LARP1B: variants seen among roughly 807,000 people sequenced by gnomAD.
LARP1B encodes the protein La ribonucleoprotein 1B.
A neutral mutation model predicts 114.2 loss-of-function variants in LARP1B; 76 were observed. That is an observed-to-expected ratio of 0.67 (90% CI 0.55 to 0.81). The LOEUF (loss-of-function observed/expected upper bound fraction) is 0.81, where lower values mean the gene tolerates loss of function less well. Among genes scored for constraint, LARP1B ranks in the 30% least tolerant of loss-of-function variants. The pLI, the probability that LARP1B is intolerant of heterozygous loss-of-function variation, is 0.00. For missense variants in LARP1B, 1,014 were observed against 1,075.8 expected (o/e 0.94, Z 0.80); for synonymous variants, 345 against 348.0 (o/e 0.99, Z 0.10).
chr4:128,068,867 G>A, intron 1 of LARP1B: 1 of 398,458 alleles, frequency 2.5e-6, no homozygotes, highest in East Asian at 4.7e-5. Flanking sequence ...TTCTCTTCAA[G>A]CATTATTGCA....
intron 15 of LARP1B, among the ~76,000 whole-genome samples, chr4:128,197,088 AGAT>A (rs753119966): frequency 6.6e-6 from 1 of 152,148 alleles, no homozygotes; most frequent in African/African-American, 2.4e-5. Context: ...TTTTTGATGG[AGAT>A]GATGAAAAAA....
At chr4:128,118,847 CTGTTT>C (rs1029831768) in intron 10 of LARP1B, among the ~76,000 whole-genome samples, 35 of 143,494 alleles carry the variant, frequency 2.4e-4, no homozygotes, top group African/African-American at 8.9e-4. Context: ...ATCTAGTGGG[CTGTTT>C]TGTTTAATGT....
At chr4:128,197,529 A>G (rs1754599868) in intron 15 of LARP1B, among the ~76,000 whole-genome samples, 1 of 152,100 alleles carries the variant, frequency 6.6e-6, no homozygotes, top group Admixed American at 6.5e-5. Flanking sequence ...CCCCATCTCT[A>G]CTAAAAATAC....
chr4:128,200,689 C>T (rs1169529188), intron 17 of LARP1B, 24 bp downstream of exon 17: 1 of 1,487,352 alleles, frequency 6.7e-7, no homozygotes. Flanking sequence ...TTTTACACTT[C>T]AAGGGAGTTT....
At chr4:128,061,581 T>C (rs1760122919) in intron 1 of LARP1B, 180 bp downstream of exon 1, 12 of 699,700 alleles carry the variant, frequency 1.7e-5, no homozygotes, top group Non-Finnish European at 2.1e-5. Flanking sequence ...GCCGCCGGGC[T>C]CTCGGGTTGT....
intron 5 of LARP1B, among the ~76,000 whole-genome samples, chr4:128,088,639 C>T (rs1474001234): frequency 2.6e-5 from 4 of 152,116 alleles, no homozygotes; most frequent in Non-Finnish European, 5.9e-5. Context: ...CTGCAGACTA[C>T]ACTCTGTGAG....
chr4:128,122,465 T>C, intron 11 of LARP1B: 15 of 1,521,312 alleles, frequency 9.9e-6, no homozygotes, highest in Non-Finnish European at 1.3e-5. Flanking sequence ...TTTTGTTTTT[T>C]TTTGTTTTTG....
chr4:128,083,985 C>A (rs62335645), intron 5 of LARP1B, among the ~76,000 whole-genome samples: 1 of 149,130 alleles, frequency 6.7e-6, no homozygotes, highest in Non-Finnish European at 1.5e-5. Flanking sequence ...ACTTCTCAGA[C>A]GGGGTGGCTG....
intron 11 of LARP1B, among the ~76,000 whole-genome samples, chr4:128,142,646 T>A (rs1255717226): frequency 6.6e-6 from 1 of 151,816 alleles, no homozygotes; most frequent in Non-Finnish European, 1.5e-5. Context: ...GTATCTGGGA[T>A]TACAGGCATG....
chr4:128,162,651 G>A (rs1458994636), intron 12 of LARP1B, among the ~76,000 whole-genome samples: 1 of 152,000 alleles, frequency 6.6e-6, no homozygotes, highest in East Asian at 1.9e-4. Flanking sequence ...TCATTCTTTT[G>A]TTTTAAGGGC....
intron 7 of LARP1B, among the ~76,000 whole-genome samples, chr4:128,097,193 G>A (rs1010426212): frequency 1.3e-4 from 19 of 151,438 alleles, no homozygotes; most frequent in African/African-American, 3.4e-4. Flanking sequence ...CCACCTCACC[G>A]GGCCACCCTT....
At chr4:128,136,848 GGCCTT>G (rs1349061281) in intron 11 of LARP1B, among the ~76,000 whole-genome samples, 2 of 151,988 alleles carry the variant, frequency 1.3e-5, no homozygotes, top group Non-Finnish European at 1.5e-5. Flanking sequence ...GAGATTCTAT[GGCCTT>G]GCCCTCCCAA....
chr4:128,066,207 C>T lies in LARP1B; in HGVS notation c.-78+4806C>T, dbSNP rs531776488. ...TTTTTGTTATATTGAGACAGAGTCT[C>T]GCTCTGTCGCCCAGGCTGGAGTGCA... On this transcript the variant is annotated intron_variant, in intron 1 of 19. Coordinates refer to ENST00000326639, the MANE Select transcript of LARP1B (RefSeq NM_018078.4). Among the ~76,000 whole-genome samples, 366 of 131,474 alleles carry T rather than the reference C, an allele frequency of 2.8e-3. 3 individuals carry two copies. The highest frequency in any genetic ancestry group is 9.8e-3 in the African/African-American group (347 of 35,426). The allele number at this position is 131,474 out of a possible 152,430, so 86.3% of individuals were successfully genotyped here.
intron 5 of LARP1B, among the ~76,000 whole-genome samples, chr4:128,086,144 C>A (rs1030948205): frequency 6.6e-5 from 10 of 150,954 alleles, no homozygotes; most frequent in African/African-American, 1.7e-4. Flanking sequence ...GCTGGGACTA[C>A]AAGCACCTGC....
At chr4:128,092,081 T>C (rs954623781) in intron 7 of LARP1B, among the ~76,000 whole-genome samples, 2 of 152,152 alleles carry the variant, frequency 1.3e-5, no homozygotes, top group Non-Finnish European at 2.9e-5. Context: ...TAAAGGAGAT[T>C]AGGTAAAATG....
chr4:128,115,936 G>A (rs1019310447), intron 10 of LARP1B, among the ~76,000 whole-genome samples: 1 of 152,248 alleles, frequency 6.6e-6, no homozygotes, highest in African/African-American at 2.4e-5. Flanking sequence ...TAGGATTACA[G>A]GCGTGAGCCT....
intron 11 of LARP1B, chr4:128,123,919 T>G (rs943678571): frequency 6.5e-6 from 1 of 154,112 alleles, no homozygotes; most frequent in African/African-American, 2.4e-5. Context: ...TAATCTTGGC[T>G]TATATAACTT....
At chr4:128,068,852 A>G (rs919390801) in intron 1 of LARP1B, among the ~76,000 whole-genome samples, 4 of 152,240 alleles carry the variant, frequency 2.6e-5, no homozygotes, top group Non-Finnish European at 5.9e-5. Context: ...ATACACCATC[A>G]CTTATTCTCT....
chr4:128,064,053 C>T (rs1479809213), intron 1 of LARP1B, among the ~76,000 whole-genome samples: 1 of 151,994 alleles, frequency 6.6e-6, no homozygotes, highest in Non-Finnish European at 1.5e-5. Flanking sequence ...GGGTGGATCA[C>T]CTGAGGTCAG....
Sources: gnomAD v4.1 joint callset for allele counts (sites outside exome capture counted in the v4.1 genomes callset) on GRCh38, gnomAD v4.1.1 for gene constraint, MANE v1.5 for transcripts, NCBI Gene and HGNC (gene_info 2026-07-23, HGNC 2026-07-21) for gene names.